PPP1R12B: variants seen among roughly 807,000 people sequenced by gnomAD.
PPP1R12B encodes the protein protein phosphatase 1 regulatory subunit 12B.
PPP1R12B carries 76 observed loss-of-function variants against 126.1 expected under a neutral mutation model. The observed-to-expected ratio is 0.60, with a 90% CI of 0.50 to 0.73. PPP1R12B has a LOEUF of 0.73. PPP1R12B is among the 30% of genes least tolerant of loss of function. The pLI, the probability that PPP1R12B is intolerant of heterozygous loss-of-function variation, is 0.00. For synonymous variants in PPP1R12B, 356 were observed against 434.7 expected (o/e 0.82, Z 2.25); for missense variants, 1,052 against 1,205.1 (o/e 0.87, Z 1.88).
At chr1:202,444,229 T>A (rs1300079396) in intron 12 of PPP1R12B, among the ~76,000 whole-genome samples, 2 of 152,244 alleles carry the variant, frequency 1.3e-5, no homozygotes, top group African/African-American at 4.8e-5. Flanking sequence ...GAAATTCCTT[T>A]CATATGGCCC....
At chr1:202,459,635 G>A (rs1674064132) in intron 13 of PPP1R12B, among the ~76,000 whole-genome samples, 1 of 152,146 alleles carries the variant, frequency 6.6e-6, no homozygotes, top group Non-Finnish European at 1.5e-5. Flanking sequence ...GAATGCTGAG[G>A]CCCTAAGAGC....
At chr1:202,378,850 G>T (rs550364434) in intron 1 of PPP1R12B, among the ~76,000 whole-genome samples, 2 of 152,100 alleles carry the variant, frequency 1.3e-5, no homozygotes, top group Non-Finnish European at 2.9e-5. Context: ...GAATTAAAAC[G>T]CTTATTCTTT....
intron 1 of PPP1R12B, among the ~76,000 whole-genome samples, chr1:202,403,965 CAG>C: frequency 6.6e-6 from 1 of 152,284 alleles, no homozygotes; most frequent in South Asian, 2.1e-4. Context: ...TCTTAGCTGC[CAG>C]TACCTTACTT....
At chr1:202,438,845 C>A in intron 10 of PPP1R12B, 1 of 1,048,060 alleles carries the variant, frequency 9.5e-7, no homozygotes, top group Non-Finnish European at 1.5e-6. Flanking sequence ...CGGCCATGGT[C>A]ACTGCTGACT....
chr1:202,513,417 A>G (rs1681765952), intron 18 of PPP1R12B, among the ~76,000 whole-genome samples: 1 of 152,180 alleles, frequency 6.6e-6, no homozygotes. Context: ...AGAATTCAGG[A>G]GGAAGAATAT....
chr1:202,418,564 C>T (rs1668378071), intron 2 of PPP1R12B, among the ~76,000 whole-genome samples: 1 of 151,918 alleles, frequency 6.6e-6, no homozygotes, highest in African/African-American at 2.4e-5. Flanking sequence ...ATCTCTAGCT[C>T]AAACAAATAT....
In PPP1R12B at chr1:202,443,017, G is replaced by A. The variant is rs571581669; in HGVS notation, c.1667+445G>A. 182 of 833,528 alleles carry A rather than the reference G, an allele frequency of 2.2e-4. No homozygotes were observed. In the African/African-American group the frequency reaches 2.7e-3, roughly 12 times the overall value. 51.6% of individuals were successfully genotyped at this position (833,528 alleles called of 1,614,324 possible). ...GACAGTTTTCTATTGCATTAAAGAAGTTTCATACTGAAGCCTGTTAATTTA... is the reference window on the plus strand; with the variant it reads ...GACAGTTTTCTATTGCATTAAAGAAATTTCATACTGAAGCCTGTTAATTTA... On this transcript the variant is annotated intron_variant, in intron 12 of 23. Transcript: ENST00000608999.
chr1:202,356,844 T>A (rs2148389852), intron 1 of PPP1R12B, among the ~76,000 whole-genome samples: 1 of 150,658 alleles, frequency 6.6e-6, no homozygotes, highest in East Asian at 2.0e-4. Flanking sequence ...TTTTTGAGAC[T>A]GAATTTTGCT....
At chr1:202,401,902 GCA>G (rs1665900511) in intron 1 of PPP1R12B, among the ~76,000 whole-genome samples, 1 of 151,824 alleles carries the variant, frequency 6.6e-6, no homozygotes, top group African/African-American at 2.4e-5. Context: ...CAGATTGAAA[GCA>G]AGGTAACACA....
chr1:202,425,804 A>G (rs1461536245), intron 4 of PPP1R12B, 79 bp downstream of exon 4: 2 of 1,356,354 alleles, frequency 1.5e-6, no homozygotes, highest in South Asian at 1.3e-5. Flanking sequence ...GCTGAATTAG[A>G]TTTTCCGCTA....
In PPP1R12B at chr1:202,425,828, T is replaced by G. The variant is rs1669433645; in HGVS notation, c.701+103T>G. The G allele has an allele frequency of 2.7e-6, 3 of 1,126,952 alleles. No homozygotes were observed. In the Admixed American group the frequency reaches 6.9e-5, roughly 26 times the overall value. The allele number at this position is 1,126,952 out of a possible 1,614,324, so 69.8% of individuals were successfully genotyped here. ...GATTTTCCGCTATGACGTGTTTCCT[T>G]TTTTGTTGGTTTCCTCTCTGATTGT... is the stretch of plus-strand genomic sequence containing the variant. On this transcript the variant is annotated intron_variant, in intron 4 of 23. Coordinates refer to ENST00000608999, the MANE Select transcript of PPP1R12B (RefSeq NM_002481.4).
At chr1:202,555,150 C>G (rs1686754571) in intron 18 of PPP1R12B, among the ~76,000 whole-genome samples, 1 of 151,664 alleles carries the variant, frequency 6.6e-6, no homozygotes, top group South Asian at 2.1e-4. Context: ...AACAGCCATA[C>G]TATACAGCCA....
chr1:202,442,320 A>T lies in PPP1R12B; in HGVS notation c.1542-127A>T, dbSNP rs545010125. ...AGAAAACTGGTATATAAAACAGAAT[A>T]ACCTGAAGAATGTGTCTATTAGCCA... On this transcript the variant is annotated intron_variant, in intron 11 of 23. Transcript: ENST00000608999. 151 of 1,079,112 alleles carry T rather than the reference A, an allele frequency of 1.4e-4. No individual in the cohort carries two copies. In the African/African-American group the frequency reaches 2.0e-3, roughly 14 times the overall value. The allele number at this position is 1,079,112 out of a possible 1,614,324, so 66.8% of individuals were successfully genotyped here. A position where few individuals can be genotyped will look rare whatever the true frequency, so the allele number is the denominator to read the frequency against.
At chr1:202,495,199 C>A (rs1257421397) in intron 15 of PPP1R12B, 94 bp from the exon 16 acceptor site, 3 of 1,175,614 alleles carry the variant, frequency 2.6e-6, no homozygotes, top group Non-Finnish European at 3.5e-6. Context: ...TCATAAGCCC[C>A]TTAATATAGA....
intron 13 of PPP1R12B, among the ~76,000 whole-genome samples, chr1:202,468,462 A>T (rs1675353518): frequency 6.6e-6 from 1 of 152,154 alleles, no homozygotes; most frequent in African/African-American, 2.4e-5. Context: ...GTTGTTTTCT[A>T]GGAAGTCTCT....
intron 15 of PPP1R12B, 94 bp downstream of exon 15, chr1:202,493,411 A>T: frequency 1.5e-6 from 2 of 1,316,352 alleles, no homozygotes; most frequent in South Asian, 1.5e-5. Context: ...GCTGTGTTCT[A>T]CCTTGCAATG....
chr1:202,473,115 A>G (rs1384963913), intron 13 of PPP1R12B, among the ~76,000 whole-genome samples: 1 of 152,210 alleles, frequency 6.6e-6, no homozygotes, highest in Non-Finnish European at 1.5e-5. Flanking sequence ...AAAATTCTTA[A>G]TGGAATTGTA....
At chr1:202,559,826 A>G (rs1039874151) in intron 19 of PPP1R12B, among the ~76,000 whole-genome samples, 7 of 152,156 alleles carry the variant, frequency 4.6e-5, no homozygotes, top group Non-Finnish European at 7.3e-5. Context: ...GTTTTGCAAA[A>G]TTGTTGGAGA....
chr1:202,437,224 C>T (rs1670942432), intron 9 of PPP1R12B, among the ~76,000 whole-genome samples: 3 of 151,886 alleles, frequency 2.0e-5, no homozygotes, highest in Non-Finnish European at 2.9e-5. Flanking sequence ...CCCAGCTACT[C>T]GGTGGGCTGA....
Sources: allele counts gnomAD v4.1 joint callset (sites outside exome capture counted in the v4.1 genomes callset), GRCh38; gene constraint gnomAD v4.1.1; transcripts MANE v1.5; gene names NCBI Gene and HGNC (gene_info 2026-07-23, HGNC 2026-07-21).